DLG2: variants seen among roughly 807,000 people sequenced by gnomAD.
The protein encoded by DLG2 is discs large MAGUK scaffold protein 2.
In DLG2, 45 loss-of-function variants were observed where a neutral mutation model predicts 132.5. That is an observed-to-expected ratio of 0.34 (90% CI 0.27 to 0.44). DLG2 has a LOEUF of 0.44. Ranked by LOEUF, DLG2 falls within the 20% of genes least tolerant of loss-of-function variation. The pLI is 1.00. For synonymous variants in DLG2, 424 were observed against 419.6 expected (o/e 1.01, Z -0.13); for missense variants, 1,045 against 1,196.9 (o/e 0.87, Z 1.87).
intron 3 of DLG2, among the ~76,000 whole-genome samples, chr11:85,460,470 C>A (rs550188652): frequency 1.4e-3 from 218 of 152,308 alleles, no homozygotes; most frequent in Admixed American, 2.9e-3. Context: ...AGTGTGGGAG[C>A]CTACTCTGGC....
At chr11:85,421,204 C>T (rs938772762) in intron 3 of DLG2, among the ~76,000 whole-genome samples, 1 of 152,014 alleles carries the variant, frequency 6.6e-6, no homozygotes, top group East Asian at 1.9e-4. Flanking sequence ...TCACAGCTTC[C>T]CTTGGCAAGA....
intron 3 of DLG2, among the ~76,000 whole-genome samples, chr11:85,434,794 A>C (rs1319257951): frequency 1.3e-5 from 2 of 152,206 alleles, no homozygotes; most frequent in Non-Finnish European, 2.9e-5. Flanking sequence ...ACAGTTGAAA[A>C]TGAAGGACTT....
intron 15 of DLG2, among the ~76,000 whole-genome samples, chr11:83,880,781 G>C (rs1309571172): frequency 6.6e-6 from 1 of 152,156 alleles, no homozygotes; most frequent in Non-Finnish European, 1.5e-5. Flanking sequence ...ACACATGTGG[G>C]AAATATGATC....
intron 3 of DLG2, among the ~76,000 whole-genome samples, chr11:85,461,306 G>C (rs1297731013): frequency 6.6e-6 from 1 of 152,198 alleles, no homozygotes; most frequent in Admixed American, 6.5e-5. Flanking sequence ...GCTTGCCAAA[G>C]TTAATAGAAG....
intron 15 of DLG2, among the ~76,000 whole-genome samples, chr11:83,900,366 T>A (rs1456375816): frequency 6.6e-6 from 1 of 152,120 alleles, no homozygotes; most frequent in African/African-American, 2.4e-5. Context: ...GGGGGAAATG[T>A]CTCTAGGGCA....
chr11:85,041,933 G>A (rs1201944058), intron 6 of DLG2, among the ~76,000 whole-genome samples: 2 of 151,998 alleles, frequency 1.3e-5, no homozygotes, highest in African/African-American at 2.4e-5. Context: ...AGAGTCAGAA[G>A]TGAGGCAGAT....
At chr11:84,861,617 G>GAAA (rs2083652359) in intron 6 of DLG2, among the ~76,000 whole-genome samples, 2 of 12,808 alleles carry the variant, frequency 1.6e-4, no homozygotes, top group Non-Finnish European at 1.5e-4. Context: ...CTTCTACACA[G>GAAA]CAAAAAAAAA....
At chr11:84,149,182 C>T (rs2095205348) in intron 9 of DLG2, among the ~76,000 whole-genome samples, 1 of 151,960 alleles carries the variant, frequency 6.6e-6, no homozygotes, top group African/African-American at 2.4e-5. Context: ...TGTTTATTCC[C>T]TTGATAGTTT....
intron 6 of DLG2, among the ~76,000 whole-genome samples, chr11:84,537,395 C>T (rs1444881452): frequency 1.3e-5 from 2 of 152,082 alleles, no homozygotes; most frequent in Non-Finnish European, 1.5e-5. Context: ...CGTGAGCCAC[C>T]GCACCCAGCC....
intron 16 of DLG2, among the ~76,000 whole-genome samples, chr11:83,866,044 C>G (rs1213194296): frequency 6.6e-6 from 1 of 152,052 alleles, no homozygotes; most frequent in Non-Finnish European, 1.5e-5. Flanking sequence ...GTCAGATGCC[C>G]TATTATAGGT....
intron 4 of DLG2, among the ~76,000 whole-genome samples, chr11:85,165,354 G>A (rs1021831597): frequency 5.9e-5 from 9 of 152,174 alleles, no homozygotes; most frequent in African/African-American, 2.2e-4. Flanking sequence ...CAAAAGACCA[G>A]ACGAAATCAG....
At chr11:84,455,645 A>G (rs2099063344) in intron 7 of DLG2, among the ~76,000 whole-genome samples, 1 of 151,538 alleles carries the variant, frequency 6.6e-6, no homozygotes, top group South Asian at 2.1e-4. Flanking sequence ...AAAAAAATAG[A>G]AAGAAAGTAT....
Position 83,610,791 on chromosome 11 carries a change from A to T in DLG2, c.1940+22420T>A, listed in dbSNP as rs559501546. 7.9e-5 allele frequency among the ~76,000 whole-genome samples: 12 copies of T among 152,326 alleles called. No individual in the cohort carries two copies. The East Asian group carries it at 2.3e-3, about 29-fold the overall frequency. On this transcript the variant is annotated intron_variant, in intron 19 of 27. Coordinates refer to ENST00000376104, the MANE Select transcript of DLG2 (RefSeq NM_001142699.3). ...TATCTGATTTTATTTATACAACATG[A>T]TTATGAGGTTGGTACTCTTGTTATC...
chr11:85,177,319 A>G (rs1043129663), intron 4 of DLG2, among the ~76,000 whole-genome samples: 4 of 151,676 alleles, frequency 2.6e-5, no homozygotes, highest in African/African-American at 9.7e-5. Flanking sequence ...ATACATACAT[A>G]CCAGGGAATA....
chr11:83,550,343 T>C (rs1235277936), intron 19 of DLG2, among the ~76,000 whole-genome samples: 2 of 152,124 alleles, frequency 1.3e-5, no homozygotes, highest in Admixed American at 6.5e-5. Flanking sequence ...TGCTCCCAAT[T>C]CACCAAGAGA....
At chr11:84,017,734 A>G (rs1214512342) in intron 11 of DLG2, among the ~76,000 whole-genome samples, 2 of 152,060 alleles carry the variant, frequency 1.3e-5, no homozygotes, top group Non-Finnish European at 2.9e-5. Context: ...AGTGGTCTCT[A>G]TCGTCTTAAA....
intron 11 of DLG2, among the ~76,000 whole-genome samples, chr11:84,042,909 C>T (rs1022978970): frequency 6.6e-6 from 1 of 151,588 alleles, no homozygotes; most frequent in Non-Finnish European, 1.5e-5. Context: ...GGGAGAGCAA[C>T]AGGAAAAAGA....
At chr11:84,535,173 C>T (rs1232156900) in intron 6 of DLG2, among the ~76,000 whole-genome samples, 3 of 152,132 alleles carry the variant, frequency 2.0e-5, no homozygotes, top group Admixed American at 2.0e-4. Context: ...ACTTAATTTT[C>T]CTTCAGAATT....
intron 5 of DLG2, among the ~76,000 whole-genome samples, chr11:85,115,911 G>C (rs559534880): frequency 6.6e-6 from 1 of 152,090 alleles, no homozygotes; most frequent in African/African-American, 2.4e-5. Flanking sequence ...TAAATGGACA[G>C]CAGGGTGTGG....
Sources: allele counts gnomAD v4.1 joint callset (sites outside exome capture counted in the v4.1 genomes callset), GRCh38; gene constraint gnomAD v4.1.1; transcripts MANE v1.5; gene names NCBI Gene and HGNC (gene_info 2026-07-23, HGNC 2026-07-21).